Variants in TMEM108 observed in about 807,000 individuals in gnomAD.
TMEM108 encodes cancer/testis antigen 124.
TMEM108 carries 12 observed loss-of-function variants against 35.1 expected under a neutral mutation model. The observed-to-expected ratio is 0.34, with a 90% CI of 0.22 to 0.55. TMEM108 has a LOEUF of 0.55. Among genes scored for constraint, TMEM108 ranks in the 20% least tolerant of loss-of-function variants. The pLI, the probability that TMEM108 is intolerant of heterozygous loss-of-function variation, is 0.89. For synonymous variants in TMEM108, 287 were observed against 308.6 expected, an observed-to-expected ratio of 0.93 and a Z score of 0.73; for missense variants, 680 against 753.3, an observed-to-expected ratio of 0.90 and a Z score of 1.14.
intron 2 of TMEM108, among the ~76,000 whole-genome samples, chr3:133,098,157 C>T (rs1003388091): frequency 6.6e-6 from 1 of 152,206 alleles, no homozygotes; most frequent in African/African-American, 2.4e-5. Flanking sequence ...TACAGTTTCA[C>T]ATGGCTGGGG....
intron 3 of TMEM108, among the ~76,000 whole-genome samples, chr3:133,298,490 A>G (rs1201401569): frequency 6.6e-6 from 1 of 152,074 alleles, no homozygotes; most frequent in African/African-American, 2.4e-5. Context: ...TTGTGATTTT[A>G]TGGGACTTTT....
intron 3 of TMEM108, among the ~76,000 whole-genome samples, chr3:133,263,418 T>C (rs1253670420): frequency 6.6e-6 from 1 of 152,172 alleles, no homozygotes; most frequent in Non-Finnish European, 1.5e-5. Flanking sequence ...ACAATTAAAG[T>C]AAAATAAACC....
intron 2 of TMEM108, chr3:133,119,300 C>T (rs1479451868): frequency 3.3e-5 from 5 of 151,992 alleles, no homozygotes; most frequent in African/African-American, 4.8e-5. Context: ...TTCCATTCAG[C>T]ACACTGACTT....
intron 2 of TMEM108, 41 bp from the exon 3 acceptor site, chr3:133,229,225 T>A: frequency 2.3e-6 from 3 of 1,313,854 alleles, no homozygotes; most frequent in Non-Finnish European, 3.2e-6. Context: ...TTTTAAATTA[T>A]GTTCCTCAGA....
At chr3:133,041,362 A>C (rs570643647) in intron 1 of TMEM108, among the ~76,000 whole-genome samples, 4 of 152,074 alleles carry the variant, frequency 2.6e-5, no homozygotes, top group Admixed American at 6.6e-5. Flanking sequence ...CACTTGGCTC[A>C]TGTCACCCCC....
intron 2 of TMEM108, among the ~76,000 whole-genome samples, chr3:133,102,483 C>T (rs556856618): frequency 1.3e-5 from 2 of 152,272 alleles, no homozygotes; most frequent in South Asian, 4.1e-4. Context: ...CCTGTGTGCT[C>T]ATGTACCGCC....
intron 2 of TMEM108, among the ~76,000 whole-genome samples, chr3:133,096,321 G>C (rs551883961): frequency 6.6e-6 from 1 of 152,132 alleles, no homozygotes; most frequent in African/African-American, 2.4e-5. Flanking sequence ...ACCACATGCA[G>C]CTAATTTTTA....
intron 3 of TMEM108, among the ~76,000 whole-genome samples, chr3:133,254,930 C>T (rs1946524118): frequency 6.6e-6 from 1 of 152,212 alleles, no homozygotes; most frequent in Non-Finnish European, 1.5e-5. Context: ...TCTGGTGGTT[C>T]ATGCTGGCTG....
chr3:133,288,830 T>C (rs1341827979), intron 3 of TMEM108, among the ~76,000 whole-genome samples: 1 of 152,130 alleles, frequency 6.6e-6, no homozygotes, highest in African/African-American at 2.4e-5. Context: ...CTCCATCTCC[T>C]GTTTAAGCAA....
intron 2 of TMEM108, among the ~76,000 whole-genome samples, chr3:133,196,817 T>C (rs1196352654): frequency 6.6e-6 from 1 of 152,202 alleles, no homozygotes; most frequent in Non-Finnish European, 1.5e-5. Context: ...GTTTATCACA[T>C]GTCATTCTTC....
intron 3 of TMEM108, among the ~76,000 whole-genome samples, chr3:133,370,143 CCCT>C (rs2072614501): frequency 1.7e-5 from 2 of 115,396 alleles, no homozygotes; most frequent in South Asian, 5.7e-4. Flanking sequence ...TGTTCAGACT[CCCT>C]TTTTTTTTTT....
chr3:133,289,049 G>A (rs766205328), intron 3 of TMEM108, among the ~76,000 whole-genome samples: 3 of 152,044 alleles, frequency 2.0e-5, no homozygotes, highest in Non-Finnish European at 4.4e-5. Flanking sequence ...TATAGTAATA[G>A]TAATTTTTAC....
At chr3:133,246,753 T>G (rs1946391870) in intron 3 of TMEM108, 1 of 152,210 alleles carries the variant, frequency 6.6e-6, no homozygotes. Flanking sequence ...GGCCCTGAAC[T>G]GAGGAGCAGC....
At chr3:133,162,083 A>T (rs928820437) in intron 2 of TMEM108, among the ~76,000 whole-genome samples, 1 of 152,162 alleles carries the variant, frequency 6.6e-6, no homozygotes, top group Admixed American at 6.5e-5. Context: ...ATATGAGTGT[A>T]TTCTAAACTG....
intron 2 of TMEM108, among the ~76,000 whole-genome samples, chr3:133,126,397 G>T (rs1315966027): frequency 6.6e-6 from 1 of 151,752 alleles, no homozygotes; most frequent in African/African-American, 2.4e-5. Context: ...AACTTGGGAG[G>T]CAGAGGTTGC....
At chr3:133,387,783 TACTC>T (rs752239153) in intron 4 of TMEM108, 5 of 953,046 alleles carry the variant, frequency 5.2e-6, no homozygotes, top group Non-Finnish European at 6.2e-6. Flanking sequence ...TTAAGTAACT[TACTC>T]AAGTCATGCA....
At chr3:133,282,458 A>G (rs749615161) in intron 3 of TMEM108, among the ~76,000 whole-genome samples, 1 of 152,176 alleles carries the variant, frequency 6.6e-6, no homozygotes, top group Non-Finnish European at 1.5e-5. Flanking sequence ...ACCACAACAT[A>G]TCCATGTTTC....
rs529064267 is a variant in TMEM108 at position 133,293,989 on chromosome 3, A to G, written c.40+64638A>G. On this transcript the variant is annotated intron_variant, in intron 3 of 5. Coordinates refer to ENST00000321871, the MANE Select transcript of TMEM108 (RefSeq NM_023943.4). ...GGAACACTGCCATCCTTTGCCAAAG[A>G]TAGACCAGGCTACTGTGCAGAAAGT... Among the ~76,000 whole-genome samples, 6 of 152,320 alleles carry G rather than the reference A, an allele frequency of 3.9e-5. No homozygotes were observed. The East Asian group carries it at 9.6e-4, about 24-fold the overall frequency.
At chr3:133,230,304 C>T (rs781019116) in intron 3 of TMEM108, among the ~76,000 whole-genome samples, 2 of 152,204 alleles carry the variant, frequency 1.3e-5, no homozygotes, top group Non-Finnish European at 2.9e-5. Context: ...GTGCAAAGCA[C>T]TTCATCTACA....
Sources: allele counts gnomAD v4.1 joint callset (sites outside exome capture counted in the v4.1 genomes callset), GRCh38; gene constraint gnomAD v4.1.1; transcripts MANE v1.5; gene names NCBI Gene and HGNC (gene_info 2026-07-23, HGNC 2026-07-21).